Variants in SPATA6 observed in about 807,000 individuals in gnomAD.
The protein encoded by SPATA6 is spermatogenesis associated 6.
In SPATA6, 56 loss-of-function variants were observed where a neutral mutation model predicts 65.3. The ratio of observed to expected loss-of-function variants is 0.86; its 90% confidence interval spans 0.69 to 1.07. SPATA6 has a LOEUF of 1.07. Ranked by LOEUF, SPATA6 falls within the 50% of genes least tolerant of loss-of-function variation. The pLI is 0.00. For synonymous variants in SPATA6, 199 were observed against 213.2 expected (o/e 0.93, Z 0.58); for missense variants, 590 against 594.8 (o/e 0.99, Z 0.08).
At chr1:48,421,504 T>C (rs1014744196) in intron 3 of SPATA6, among the ~76,000 whole-genome samples, 1 of 152,138 alleles carries the variant, frequency 6.6e-6, no homozygotes, top group African/African-American at 2.4e-5. Flanking sequence ...CTTATGGTTA[T>C]ATTGCAAACT....
intron 9 of SPATA6, among the ~76,000 whole-genome samples, chr1:48,371,028 A>C (rs966581847): frequency 6.6e-6 from 1 of 152,246 alleles, no homozygotes; most frequent in Non-Finnish European, 1.5e-5. Context: ...AAGAAAGGAT[A>C]ATTATAGGCC....
the SPATA6 span, among the ~76,000 whole-genome samples, chr1:48,280,741 T>A: frequency 6.6e-6 from 1 of 152,168 alleles, no homozygotes; most frequent in African/African-American, 2.4e-5. Context: ...CACAGCCGAA[T>A]TCTGCCAGAG....
At chr1:48,364,045 T>C (rs1036367865) in intron 9 of SPATA6, among the ~76,000 whole-genome samples, 3 of 151,780 alleles carry the variant, frequency 2.0e-5, no homozygotes, top group East Asian at 1.9e-4. Context: ...AATGAGAACA[T>C]GTGGTGTTTG....
intron 11 of SPATA6, among the ~76,000 whole-genome samples, chr1:48,323,242 A>T (rs1470526637): frequency 6.6e-6 from 1 of 152,212 alleles, no homozygotes; most frequent in Admixed American, 6.5e-5. Flanking sequence ...TGCAGCCATA[A>T]AAATGATGAG....
At chr1:48,346,160 G>A (rs1646358832) in intron 11 of SPATA6, among the ~76,000 whole-genome samples, 1 of 152,122 alleles carries the variant, frequency 6.6e-6, no homozygotes, top group Admixed American at 6.6e-5. Flanking sequence ...TCCAGAAGGT[G>A]CAAGGTTGGT....
intron 3 of SPATA6, among the ~76,000 whole-genome samples, chr1:48,444,529 C>A (rs539710350): frequency 9.3e-5 from 14 of 151,178 alleles, no homozygotes; most frequent in African/African-American, 3.1e-4. Context: ...GTAAACACAC[C>A]AATCAGCACT....
At chr1:48,454,707 A>G (rs1656869440) in intron 1 of SPATA6, among the ~76,000 whole-genome samples, 1 of 152,202 alleles carries the variant, frequency 6.6e-6, no homozygotes, top group African/African-American at 2.4e-5. Flanking sequence ...GAAAAAGCAT[A>G]GAGATTATCT....
intron 3 of SPATA6, among the ~76,000 whole-genome samples, chr1:48,428,773 A>ATGTGTG (rs1308795485): frequency 1.1e-4 from 7 of 63,138 alleles, no homozygotes; most frequent in African/African-American, 3.3e-4. Context: ...ATAGGTGTAT[A>ATGTGTG]TATGTGTGTG....
intron 3 of SPATA6, among the ~76,000 whole-genome samples, chr1:48,421,606 T>C (rs1342933556): frequency 1.3e-5 from 2 of 152,092 alleles, no homozygotes; most frequent in Non-Finnish European, 2.9e-5. Flanking sequence ...TACAGTAGAA[T>C]GACTGAATAT....
chr1:48,375,110 C>A (rs1647732926), intron 9 of SPATA6, among the ~76,000 whole-genome samples: 1 of 152,116 alleles, frequency 6.6e-6, no homozygotes, highest in Non-Finnish European at 1.5e-5. Context: ...TCTGTGACTT[C>A]TTTTAGCCTC....
At chr1:48,332,492 G>A (rs1645944570) in intron 11 of SPATA6, among the ~76,000 whole-genome samples, 1 of 152,056 alleles carries the variant, frequency 6.6e-6, no homozygotes, top group African/African-American at 2.4e-5. Flanking sequence ...ACAAAGAAGG[G>A]CATTACATAT....
At chr1:48,375,217 TC>T (rs1278522662) in intron 9 of SPATA6, among the ~76,000 whole-genome samples, 1 of 152,180 alleles carries the variant, frequency 6.6e-6, no homozygotes, top group African/African-American at 2.4e-5. Flanking sequence ...TCACTGAGTT[TC>T]CCTGTCTTTC....
chr1:48,299,347 C>G (rs11582066), intron 12 of SPATA6, among the ~76,000 whole-genome samples: 2 of 151,244 alleles, frequency 1.3e-5, no homozygotes, highest in African/African-American at 4.9e-5. Context: ...AACCCCATAT[C>G]TACTAAAAAA....
intron 12 of SPATA6, among the ~76,000 whole-genome samples, chr1:48,302,995 G>A (rs1216586534): frequency 6.6e-6 from 1 of 152,028 alleles, no homozygotes; most frequent in African/African-American, 2.4e-5. Flanking sequence ...TGGGAGCAAA[G>A]CTGCCAGTAT....
intron 3 of SPATA6, among the ~76,000 whole-genome samples, chr1:48,428,618 T>C (rs12145425): frequency 0.014 from 2,078 of 152,194 alleles, 27 homozygotes; most frequent in South Asian, 0.023. Context: ...ATATTCATCA[T>C]GAAGTTCTTC....
chr1:48,461,523 T>TAA (rs1657430005), intron 1 of SPATA6, among the ~76,000 whole-genome samples: 2 of 152,192 alleles, frequency 1.3e-5, no homozygotes, highest in South Asian at 4.1e-4. Context: ...GTATAAGCTG[T>TAA]AAGGAAGGGA....
chr1:48,389,662 T>C (rs1649847509), intron 8 of SPATA6, among the ~76,000 whole-genome samples: 1 of 152,046 alleles, frequency 6.6e-6, no homozygotes, highest in Non-Finnish European at 1.5e-5. Flanking sequence ...TCAAGGACAC[T>C]CACTATTAAT....
chr1:48,313,808 T>G (rs1257322233), intron 11 of SPATA6, among the ~76,000 whole-genome samples: 4 of 152,122 alleles, frequency 2.6e-5, no homozygotes, highest in Non-Finnish European at 4.4e-5. Flanking sequence ...CCATCTTATG[T>G]GCAGAGACAC....
chr1:48,357,000 T>C (rs1479063320), intron 10 of SPATA6, among the ~76,000 whole-genome samples: 1 of 152,152 alleles, frequency 6.6e-6, no homozygotes, highest in Non-Finnish European at 1.5e-5. Flanking sequence ...ATATATATAG[T>C]ACATCTTGGA....
Sources: allele counts gnomAD v4.1 joint callset (sites outside exome capture counted in the v4.1 genomes callset), GRCh38; gene constraint gnomAD v4.1.1; transcripts MANE v1.5; gene names NCBI Gene and HGNC (gene_info 2026-07-23, HGNC 2026-07-21).